Variants in EPG5 observed in about 807,000 individuals in gnomAD.
The protein encoded by EPG5 is ectopic P-granules 5 autophagy tethering factor.
Under a neutral mutation model 302.7 loss-of-function variants are expected in EPG5, and 159 were observed. That is an observed-to-expected ratio of 0.53 (90% CI 0.46 to 0.60). EPG5 has a LOEUF of 0.60. Among genes scored for constraint, EPG5 ranks in the 20% least tolerant of loss-of-function variants. The pLI, the probability that EPG5 is intolerant of heterozygous loss-of-function variation, is 0.00. For synonymous variants in EPG5, 1,158 were observed against 1,136.8 expected, an observed-to-expected ratio of 1.02 and a Z score of -0.37; for missense variants, 2,896 against 3,092.4, an observed-to-expected ratio of 0.94 and a Z score of 1.51.
At chr18:45,906,535 A>G (rs555742500) in intron 24 of EPG5, among the ~76,000 whole-genome samples, 8 of 151,938 alleles carry the variant, frequency 5.3e-5, no homozygotes, top group Admixed American at 5.2e-4. Context: ...TTTCCTTTCC[A>G]TCTGCCCAAC....
chr18:45,825,900 G>A, the EPG5 span: 4 of 1,221,070 alleles, frequency 3.3e-6, no homozygotes, highest in Non-Finnish European at 4.7e-6. Context: ...GGCCTGTGGA[G>A]GAGGAAGAGC....
At chr18:45,823,865 C>T in the EPG5 span, among the ~76,000 whole-genome samples, 1 of 152,238 alleles carries the variant, frequency 6.6e-6, no homozygotes, top group Non-Finnish European at 1.5e-5. Flanking sequence ...TCAAATACCT[C>T]TCCAGCACCT....
the EPG5 span, among the ~76,000 whole-genome samples, chr18:45,824,272 T>A: frequency 6.6e-6 from 1 of 152,196 alleles, no homozygotes. Context: ...AGTGGCACAA[T>A]CTTGGCTCAC....
chr18:45,911,462 AT>A (rs879786259), intron 22 of EPG5, among the ~76,000 whole-genome samples: 85 of 143,684 alleles, frequency 5.9e-4, no homozygotes, highest in Middle Eastern at 3.5e-3. Context: ...ATTTTTTTGT[AT>A]TTTTTTTTTT....
the EPG5 span, among the ~76,000 whole-genome samples, chr18:45,810,905 A>C: frequency 6.6e-6 from 1 of 152,222 alleles, no homozygotes; most frequent in Non-Finnish European, 1.5e-5. Context: ...CAGAATTAAA[A>C]ACAAAAATCA....
intron 16 of EPG5, among the ~76,000 whole-genome samples, chr18:45,918,287 A>G (rs148590478): frequency 3.7e-3 from 568 of 152,330 alleles, no homozygotes; most frequent in African/African-American, 0.013. Flanking sequence ...CTTGAGACCA[A>G]GTATTTTAGA....
chr18:45,809,262 C>T, the EPG5 span, among the ~76,000 whole-genome samples: 2 of 152,042 alleles, frequency 1.3e-5, no homozygotes, highest in East Asian at 1.9e-4. Flanking sequence ...TAGACAGCAA[C>T]ACAATAATAG....
At position 45,866,957 on chromosome 18, in the gene EPG5, A is replaced by G. The variant is rs374657166; in HGVS notation, c.6462T>C (p.His2154=). Residue 2154 remains histidine (H), a synonymous_variant, in exon 38 of 44, where the codon CAT becomes CAC. Transcript: ENST00000282041. The part of the protein sequence containing the change: ...LLGQTSSLSW[H]LVDIVSYQSV... ...TCTGGTACGACACAATATCCACAAG[A>G]TGCCATGAAAGTGAGCTTGTCTGTC... The G allele has an allele frequency of 9.3e-6, 15 of 1,614,094 alleles. No homozygotes were observed. The African/African-American group carries it at 1.7e-4, about 19-fold the overall frequency.
At chr18:45,953,454 T>C in intron 2 of EPG5, 1 of 985,382 alleles carries the variant, frequency 1.0e-6, no homozygotes, top group Non-Finnish European at 1.2e-6. Flanking sequence ...TACAGAGATA[T>C]ACAGGTCTGC....
At chr18:45,956,469 T>TC (rs1555682006) in intron 1 of EPG5, among the ~76,000 whole-genome samples, 1 of 151,960 alleles carries the variant, frequency 6.6e-6, no homozygotes. Flanking sequence ...TTATTTTTTT[T>TC]TTTTTGAGAC....
At chr18:45,880,291 G>T in intron 31 of EPG5, 68 bp from the exon 32 acceptor site, 3 of 1,384,510 alleles carry the variant, frequency 2.2e-6, no homozygotes, top group Non-Finnish European at 1.9e-6. Context: ...TTGTAACAAA[G>T]AATATGAGCA....
At chr18:45,960,754 A>T (rs2143876511) in intron 1 of EPG5, among the ~76,000 whole-genome samples, 1 of 152,332 alleles carries the variant, frequency 6.6e-6, no homozygotes, top group East Asian at 1.9e-4. Flanking sequence ...GTACACTGTG[A>T]GAGTGTGTGT....
chr18:45,898,729 C>T (rs1277393929), intron 27 of EPG5, among the ~76,000 whole-genome samples: 1 of 152,214 alleles, frequency 6.6e-6, no homozygotes, highest in African/African-American at 2.4e-5. Context: ...CCCACCAACA[C>T]CCCCAAAACA....
At chr18:45,828,874 G>A in the EPG5 span, among the ~76,000 whole-genome samples, 1 of 152,186 alleles carries the variant, frequency 6.6e-6, no homozygotes, top group Non-Finnish European at 1.5e-5. Context: ...GTGCTTATTC[G>A]GGACACAGGC....
intron 20 of EPG5, among the ~76,000 whole-genome samples, chr18:45,914,245 A>G (rs1599560369): frequency 6.6e-6 from 1 of 152,238 alleles, no homozygotes; most frequent in African/African-American, 2.4e-5. Context: ...GTAAAGTGCT[A>G]TATCAGAGAA....
chr18:45,817,226 C>T, the EPG5 span, among the ~76,000 whole-genome samples: 2 of 152,158 alleles, frequency 1.3e-5, no homozygotes, highest in East Asian at 3.8e-4. Flanking sequence ...AGAACCTACT[C>T]ATGTAACCAA....
At chr18:45,905,504 C>T (rs1176416879) in intron 24 of EPG5, among the ~76,000 whole-genome samples, 3 of 152,304 alleles carry the variant, frequency 2.0e-5, no homozygotes, top group African/African-American at 7.2e-5. Context: ...ATGTGCTGGG[C>T]TAGATCCTCC....
chr18:45,944,475 C>A (rs2050744093), intron 7 of EPG5, among the ~76,000 whole-genome samples: 1 of 152,142 alleles, frequency 6.6e-6, no homozygotes, highest in African/African-American at 2.4e-5. Flanking sequence ...CACAGATGGG[C>A]CGGGCGCGGT....
intron 27 of EPG5, among the ~76,000 whole-genome samples, chr18:45,892,881 T>G (rs564100764): frequency 6.6e-6 from 1 of 152,354 alleles, no homozygotes; most frequent in East Asian, 1.9e-4. Flanking sequence ...AAATTATATT[T>G]AAAATCTGAA....
Sources: allele counts gnomAD v4.1 joint callset (sites outside exome capture counted in the v4.1 genomes callset), GRCh38; gene constraint gnomAD v4.1.1; transcripts MANE v1.5; gene names NCBI Gene and HGNC (gene_info 2026-07-23, HGNC 2026-07-21).